GPD1L: variants seen among roughly 807,000 people sequenced by gnomAD.
The protein encoded by GPD1L is glycerol-3-phosphate dehydrogenase 1-like protein.
Under a neutral mutation model 32.9 loss-of-function variants are expected in GPD1L, and 17 were observed. The observed-to-expected ratio is 0.52, with a 90% CI of 0.35 to 0.78. The LOEUF (loss-of-function observed/expected upper bound fraction) is 0.78, where lower values mean the gene tolerates loss of function less well. GPD1L is among the 30% of genes least tolerant of loss of function. The pLI, the probability that GPD1L is intolerant of heterozygous loss-of-function variation, is 0.01. For missense variants in GPD1L, 361 were observed against 447.8 expected (o/e 0.81, Z 1.75); for synonymous variants, 187 against 165.9 (o/e 1.13, Z -0.98).
At chr3:32,165,141 G>A (rs1701127836) in intron 7 of GPD1L, among the ~76,000 whole-genome samples, 2 of 152,216 alleles carry the variant, frequency 1.3e-5, no homozygotes, top group South Asian at 4.1e-4. Flanking sequence ...AGGAGGCAGA[G>A]GTTGCAGTGA....
At position 32,158,553 on chromosome 3, in the gene GPD1L, A is replaced by G; in HGVS notation, c.619-323A>G. Reference sequence around the variant, plus strand: ...GGTTGCATAAAGCATTCCATTTAAAACAAAACAAAAAGTAAAGTAGTTTGT... The same window carrying G: ...GGTTGCATAAAGCATTCCATTTAAAGCAAAACAAAAAGTAAAGTAGTTTGT... On this transcript the variant is annotated intron_variant, in intron 5 of 7. Transcript: ENST00000282541. 1.1e-5 allele frequency: 5 copies of G among 472,886 alleles called. No homozygotes were observed. The South Asian group carries it at 1.1e-4, about 10-fold the overall frequency. 29.3% of individuals were successfully genotyped at this position (472,886 alleles called of 1,614,324 possible). A position where few individuals can be genotyped will look rare whatever the true frequency, so the allele number is the denominator to read the frequency against.
chr3:32,158,471 T>C, intron 5 of GPD1L: 2 of 310,336 alleles, frequency 6.4e-6, no homozygotes, highest in Non-Finnish European at 1.2e-5. Context: ...GCTCAGTTTG[T>C]GAAAATTCTT....
At chr3:32,156,708 C>T (rs76607878) in intron 5 of GPD1L, among the ~76,000 whole-genome samples, 2,107 of 152,166 alleles carry the variant, frequency 0.014, 53 homozygotes, top group African/African-American at 0.047. Flanking sequence ...ATGGTGAGCC[C>T]GGCCACATCA....
At chr3:32,125,364 C>T (rs1276566731) in intron 1 of GPD1L, among the ~76,000 whole-genome samples, 1 of 152,246 alleles carries the variant, frequency 6.6e-6, no homozygotes, top group African/African-American at 2.4e-5. Context: ...TATGGATCAG[C>T]TGGTCAGGCT....
At chr3:32,133,369 A>G (rs1700614304) in intron 2 of GPD1L, among the ~76,000 whole-genome samples, 1 of 152,190 alleles carries the variant, frequency 6.6e-6, no homozygotes, top group Non-Finnish European at 1.5e-5. Context: ...TTGCTACAAA[A>G]AGGTTTGTAG....
At chr3:32,159,141 C>G in intron 6 of GPD1L, 32 bp downstream of exon 6, 4 of 1,523,652 alleles carry the variant, frequency 2.6e-6, no homozygotes, top group Non-Finnish European at 2.7e-6. Context: ...CGCACCCCCT[C>G]CTTCCTCACT....
intron 5 of GPD1L, chr3:32,158,451 A>G (rs1438635200): frequency 3.5e-6 from 1 of 284,234 alleles, no homozygotes; most frequent in Non-Finnish European, 6.9e-6. Flanking sequence ...TGTGCTGGCT[A>G]TGGGGGTATG....
At chr3:32,113,488 C>T (rs1200841566) in intron 1 of GPD1L, among the ~76,000 whole-genome samples, 1 of 152,184 alleles carries the variant, frequency 6.6e-6, no homozygotes, top group African/African-American at 2.4e-5. Context: ...CTGGGATCCT[C>T]ACCATCTGTG....
chr3:32,151,481 T>C, intron 5 of GPD1L: 1 of 379,064 alleles, frequency 2.6e-6, no homozygotes, highest in Non-Finnish European at 4.7e-6. Flanking sequence ...CTTATGTATT[T>C]ATTTTTTATT....
At chr3:32,143,991 A>C (rs550493265) in intron 4 of GPD1L, among the ~76,000 whole-genome samples, 90 of 152,260 alleles carry the variant, frequency 5.9e-4, no homozygotes, top group African/African-American at 2.0e-3. Context: ...CTAAAAATCA[A>C]AAAGGAGACA....
At chr3:32,136,854 G>A (rs1559575887) in intron 2 of GPD1L, among the ~76,000 whole-genome samples, 1 of 152,112 alleles carries the variant, frequency 6.6e-6, no homozygotes, top group African/African-American at 2.4e-5. Flanking sequence ...TCACAGAAAG[G>A]GGGAAGAGAA....
chr3:32,129,776 A>C, intron 2 of GPD1L, among the ~76,000 whole-genome samples: 1 of 152,240 alleles, frequency 6.6e-6, no homozygotes, highest in Non-Finnish European at 1.5e-5. Flanking sequence ...TATCTGCTGG[A>C]GAGAATAAAA....
rs1342996327 is a variant in GPD1L, at chr3:32,158,627, T to C, written c.619-249T>C. On this transcript the variant is annotated intron_variant, in intron 5 of 7. Coordinates refer to ENST00000282541, the MANE Select transcript of GPD1L (RefSeq NM_015141.4). ...TACTATCAGCCGTTCTGATTTTCTG[T>C]CCAATGCTCTTCAACTGCTGACCCC... 1.3e-5 allele frequency: 9 copies of C among 682,734 alleles called. No homozygotes were observed. The East Asian group carries it at 1.9e-4, about 15-fold the overall frequency. The allele number at this position is 682,734 out of a possible 1,614,324, so 42.3% of individuals were successfully genotyped here. A position where few individuals can be genotyped will look rare whatever the true frequency, so the allele number is the denominator to read the frequency against.
chr3:32,140,348 T>G lies in GPD1L; in HGVS notation c.487T>G (p.Phe163Val). The change falls in exon 4 of 8, where the codon TTC becomes GTC. Residue 163 changes from phenylalanine to valine, a missense_variant. Transcript: ENST00000282541. The stretch of plus-strand genomic sequence containing the variant: ...TGCCAATGAGGTGGCTGCAGAGAAG[T>G]TCTGTGAGACCACCATCGGTAAGCA... ...NIANEVAAEK[F>V]CETTIGSKVM... 6.2e-7 allele frequency: 1 copy of G among 1,614,106 alleles called. No homozygotes were observed.
chr3:32,130,170 G>A (rs1293243020), intron 2 of GPD1L, among the ~76,000 whole-genome samples: 1 of 152,054 alleles, frequency 6.6e-6, no homozygotes, highest in Non-Finnish European at 1.5e-5. Context: ...TCGACATAGA[G>A]GAGTTGAGAG....
chr3:32,110,882 G>A (rs1700235139), intron 1 of GPD1L, among the ~76,000 whole-genome samples: 1 of 152,128 alleles, frequency 6.6e-6, no homozygotes, highest in Admixed American at 6.5e-5. Context: ...TTTTGTTGTT[G>A]TTGAGACAGA....
intron 2 of GPD1L, among the ~76,000 whole-genome samples, chr3:32,137,818 A>G (rs1037983082): frequency 5.3e-5 from 8 of 152,202 alleles, no homozygotes; most frequent in Admixed American, 5.2e-4. Context: ...GCAGTTTTCT[A>G]TATCATTTAG....
chr3:32,151,154 T>C (rs1369240334), intron 5 of GPD1L: 4 of 556,950 alleles, frequency 7.2e-6, no homozygotes, highest in Non-Finnish European at 1.4e-5. Context: ...CAAAGTGCGC[T>C]TCTCTGGGTG....
At position 32,106,790 on chromosome 3, in the gene GPD1L, C is replaced by A. The variant is rs1700171361; in HGVS notation, c.47+32C>A. ...GGCGGCGGGCTGGAGGCCGGGGCTC[C>A]GCTTCCAGGAAGCGCCTCTCCCGGG... is the stretch of plus-strand genomic sequence containing the variant. On this transcript the variant is annotated intron_variant, in intron 1 of 7. Transcript: ENST00000282541. This position sits in a 1 kb window ranked among gnomAD's most constrained non-coding sequence, Gnocchi z 4.0. 7 of 1,546,196 alleles carry A rather than the reference C, an allele frequency of 4.5e-6. No individual in the cohort carries two copies. In the South Asian group the frequency reaches 8.4e-5, roughly 18 times the overall value.
Sources: allele counts gnomAD v4.1 joint callset (sites outside exome capture counted in the v4.1 genomes callset), GRCh38; gene constraint gnomAD v4.1.1; non-coding constraint Gnocchi (gnomAD v3.1); transcripts MANE v1.5; gene names NCBI Gene and HGNC (gene_info 2026-07-23, HGNC 2026-07-21).